Variants in MAST4 observed in about 807,000 individuals in gnomAD.
The protein encoded by MAST4 is microtubule-associated serine/threonine-protein kinase 4.
Under a neutral mutation model 162.7 loss-of-function variants are expected in MAST4, and 89 were observed. The observed-to-expected ratio is 0.55, with a 90% CI of 0.46 to 0.65. The LOEUF (loss-of-function observed/expected upper bound fraction) is 0.65, where lower values mean the gene tolerates loss of function less well. Ranked by LOEUF, MAST4 falls within the 30% of genes least tolerant of loss-of-function variation. MAST4 has a pLI of 0.00. For synonymous variants in MAST4, 1,479 were observed against 1,361.1 expected, an observed-to-expected ratio of 1.09 and a Z score of -1.91; for missense variants, 3,153 against 3,374.0, an observed-to-expected ratio of 0.93 and a Z score of 1.62.
Position 67,100,576 on chromosome 5 carries a change from C to T in MAST4, c.1054C>T (p.Arg352Cys), listed in dbSNP as rs1407792110. 6.2e-7 allele frequency: 1 copy of T among 1,613,744 alleles called. No individual in the cohort carries two copies. The change falls in exon 8 of 29, where the codon CGT becomes TGT. Residue 352 changes from arginine (R) to cysteine (C), a missense_variant. By Grantham distance (180) the Arg-to-Cys change is radical. Coordinates refer to ENST00000403625, the MANE Select transcript of MAST4 (RefSeq NM_001164664.2). ...ATGCAGGAACACGCCGATGCGCCCC[C>T]GTTCCCGAAGTCTGAGGTGTGTGGG... Reference protein sequence around the residue: ...NRCRNTPMRPRSRSLSPGRSP... With the variant: ...NRCRNTPMRPCSRSLSPGRSP...
intron 1 of MAST4, among the ~76,000 whole-genome samples, chr5:66,734,240 A>G (rs1248829474): frequency 1.3e-5 from 2 of 152,172 alleles, no homozygotes; most frequent in Non-Finnish European, 2.9e-5. Flanking sequence ...TAGATTGCAG[A>G]CTTTTGGGGG....
intron 1 of MAST4, among the ~76,000 whole-genome samples, chr5:66,679,155 G>A (rs926605274): frequency 6.6e-6 from 1 of 152,182 alleles, no homozygotes; most frequent in East Asian, 1.9e-4. Context: ...GGTAAGAAAA[G>A]ATTACTCTGA....
At chr5:66,984,969 C>T (rs1200394792) in intron 4 of MAST4, among the ~76,000 whole-genome samples, 1 of 152,096 alleles carries the variant, frequency 6.6e-6, no homozygotes, top group East Asian at 1.9e-4. Context: ...ATCTGGAATT[C>T]TAAGGAGAAG....
chr5:66,628,789 A>G (rs532649008), intron 1 of MAST4, among the ~76,000 whole-genome samples: 1 of 152,334 alleles, frequency 6.6e-6, no homozygotes, highest in Non-Finnish European at 1.5e-5. Flanking sequence ...TATGTGATTC[A>G]GTGTTCTGAA....
chr5:66,602,795 G>A (rs1742640931), intron 1 of MAST4, among the ~76,000 whole-genome samples: 1 of 152,192 alleles, frequency 6.6e-6, no homozygotes, highest in Non-Finnish European at 1.5e-5. Context: ...TTCCTTTAGA[G>A]CTAGCAGCCA....
At chr5:66,642,945 G>T (rs1281335556) in intron 1 of MAST4, among the ~76,000 whole-genome samples, 7 of 152,148 alleles carry the variant, frequency 4.6e-5, no homozygotes, top group Non-Finnish European at 7.4e-5. Context: ...TGGGAAGAAG[G>T]GGTGCCATGC....
At chr5:67,110,435 T>A (rs895566825) in intron 11 of MAST4, among the ~76,000 whole-genome samples, 7 of 152,226 alleles carry the variant, frequency 4.6e-5, no homozygotes, top group Admixed American at 2.0e-4. Flanking sequence ...CTAGTCAAAC[T>A]TGAAATATAA....
chr5:67,118,064 TA>T (rs1767132948), intron 12 of MAST4, among the ~76,000 whole-genome samples: 2 of 152,204 alleles, frequency 1.3e-5, no homozygotes, highest in Non-Finnish European at 2.9e-5. Flanking sequence ...AAGAAATAAG[TA>T]AGGTTGTTTA....
At chr5:66,762,704 A>G (rs868696464) in intron 2 of MAST4, among the ~76,000 whole-genome samples, 25 of 152,358 alleles carry the variant, frequency 1.6e-4, no homozygotes, top group Admixed American at 7.2e-4. Context: ...TGGTTTTTCC[A>G]TCAGAGGCCC....
At chr5:67,023,078 A>G (rs963397505) in intron 4 of MAST4, among the ~76,000 whole-genome samples, 2 of 152,224 alleles carry the variant, frequency 1.3e-5, no homozygotes, top group Admixed American at 6.5e-5. Flanking sequence ...ACAATGTTCT[A>G]TTAGAAATAT....
intron 1 of MAST4, among the ~76,000 whole-genome samples, chr5:66,752,930 A>T (rs1753278198): frequency 6.6e-6 from 1 of 151,980 alleles, no homozygotes; most frequent in South Asian, 2.1e-4. Flanking sequence ...ATGTAAAAGA[A>T]CAGAAATTAT....
At chr5:67,031,721 ATCTAAATTGTTAGAGTT>A (rs1755350019) in intron 4 of MAST4, among the ~76,000 whole-genome samples, 1 of 152,082 alleles carries the variant, frequency 6.6e-6, no homozygotes, top group Non-Finnish European at 1.5e-5. Flanking sequence ...TATCCCTACA[ATCTAAATTGTTAGAGTT>A]TCTAAAGATG....
intron 3 of MAST4, among the ~76,000 whole-genome samples, chr5:66,824,458 G>C (rs1368588167): frequency 2.0e-5 from 3 of 152,244 alleles, no homozygotes; most frequent in African/African-American, 7.2e-5. Flanking sequence ...AGGCAGTTCA[G>C]CGAGAGCTGC....
chr5:66,750,146 T>A (rs1248737149), intron 1 of MAST4, among the ~76,000 whole-genome samples: 1 of 152,248 alleles, frequency 6.6e-6, no homozygotes, highest in Non-Finnish European at 1.5e-5. Flanking sequence ...CAGTCTCTTC[T>A]CTTTTTTTAA....
Position 66,836,119 on chromosome 5 carries a change from T to C in MAST4, c.642+47325T>C, listed in dbSNP as rs535735996. ...CTGGGAGGTTGAAGCTGCAGTGAGC[T>C]GTGTTCGTGCCACTGCACTCCAGCC... On this transcript the variant is annotated intron_variant, in intron 3 of 28. Coordinates refer to ENST00000403625, the MANE Select transcript of MAST4 (RefSeq NM_001164664.2). Among the ~76,000 whole-genome samples the C allele has an allele frequency of 4.1e-4, 62 of 151,998 alleles. No individual in the cohort carries two copies. The South Asian group carries it at 0.011, about 27-fold the overall frequency.
At chr5:66,964,308 A>G (rs188780235) in intron 4 of MAST4, among the ~76,000 whole-genome samples, 1 of 152,200 alleles carries the variant, frequency 6.6e-6, no homozygotes, top group Non-Finnish European at 1.5e-5. Context: ...TTAGAGAAAT[A>G]TCCCCAAGGA....
chr5:66,748,918 C>T (rs1752959670), intron 1 of MAST4, among the ~76,000 whole-genome samples: 1 of 151,890 alleles, frequency 6.6e-6, no homozygotes, highest in East Asian at 1.9e-4. Flanking sequence ...TCTTGGTGGT[C>T]TGACTCAATC....
At chr5:66,765,563 G>A (rs1220430388) in intron 2 of MAST4, among the ~76,000 whole-genome samples, 1 of 152,084 alleles carries the variant, frequency 6.6e-6, no homozygotes, top group African/African-American at 2.4e-5. Context: ...TGACTGTAAT[G>A]TTACTTCAGG....
Position 67,162,660 on chromosome 5 carries a change from C to T in MAST4, c.3839C>T (p.Thr1280Ile). Residue 1280 changes from threonine to isoleucine, a missense_variant, in exon 28 of 29, where the codon ACC becomes ATC. Coordinates refer to ENST00000403625, the MANE Select transcript of MAST4 (RefSeq NM_001164664.2). ...AAGCAGCCTTCTCCTTTACTCCACA[C>T]CAGCCGAAGTTTCTCCTGCTTGAAC... ...LAKQPSPLLH[T>I]SRSFSCLNRS... The T allele has an allele frequency of 6.2e-7, 1 of 1,613,964 alleles. No homozygotes were observed. The highest frequency in any genetic ancestry group is 1.3e-5 in the African/African-American group (1 of 75,030).
Sources: allele counts gnomAD v4.1 joint callset (sites outside exome capture counted in the v4.1 genomes callset), GRCh38; gene constraint gnomAD v4.1.1; transcripts MANE v1.5; gene names NCBI Gene and HGNC (gene_info 2026-07-23, HGNC 2026-07-21).